Variants in COMMD10 observed in about 807,000 individuals in gnomAD.
COMMD10 encodes COMM domain containing 10, also known as COMM domain-containing protein 10.
Under a neutral mutation model 28.9 loss-of-function variants are expected in COMMD10, and 33 were observed. The ratio of observed to expected loss-of-function variants is 1.14; its 90% CI spans 0.87 to 1.53. COMMD10 has a LOEUF of 1.53. COMMD10 is among the 40% of genes most tolerant of loss of function. COMMD10 has a pLI of 0.00. For missense variants in COMMD10, 310 were observed against 233.4 expected (o/e 1.33, Z -2.14); for synonymous variants, 110 against 81.7 (o/e 1.35, Z -1.87).
intron 5 of COMMD10, among the ~76,000 whole-genome samples, chr5:116,282,543 C>G (rs1295311972): frequency 6.6e-6 from 1 of 151,802 alleles, no homozygotes; most frequent in African/African-American, 2.4e-5. Context: ...GGTGTTTGGT[C>G]TTAAATTAGC....
chr5:116,268,672 C>T (rs1442226908), intron 5 of COMMD10, among the ~76,000 whole-genome samples: 1 of 151,896 alleles, frequency 6.6e-6, no homozygotes, highest in East Asian at 1.9e-4. Context: ...GCACTATTCA[C>T]AATAGCAAAG....
chr5:116,148,888 A>G (rs1002393616), intron 5 of COMMD10, among the ~76,000 whole-genome samples: 4 of 151,894 alleles, frequency 2.6e-5, no homozygotes, highest in African/African-American at 4.8e-5. Flanking sequence ...TTTAGGGTAC[A>G]TGTGCACAAT....
chr5:116,220,299 A>G (rs1279570479), intron 5 of COMMD10, among the ~76,000 whole-genome samples: 4 of 152,194 alleles, frequency 2.6e-5, no homozygotes, highest in Non-Finnish European at 1.5e-5. Flanking sequence ...TTCAGGAGTG[A>G]AGACTACGTG....
At chr5:116,095,902 G>A (rs1750452511) in intron 4 of COMMD10, among the ~76,000 whole-genome samples, 1 of 151,978 alleles carries the variant, frequency 6.6e-6, no homozygotes, top group Non-Finnish European at 1.5e-5. Flanking sequence ...ATTACCATGT[G>A]TTTGTCTAAA....
At chr5:116,086,044 A>G (rs893251534) in intron 1 of COMMD10, among the ~76,000 whole-genome samples, 2 of 152,220 alleles carry the variant, frequency 1.3e-5, no homozygotes, top group Non-Finnish European at 2.9e-5. Context: ...CTGCTTGAGC[A>G]TAGGGGCTGA....
chr5:116,170,640 A>G (rs1291394054), intron 5 of COMMD10, among the ~76,000 whole-genome samples: 1 of 152,210 alleles, frequency 6.6e-6, no homozygotes. Context: ...AAACAGATAT[A>G]TATACCAGTG....
chr5:116,149,835 T>G (rs1244852695), intron 5 of COMMD10, among the ~76,000 whole-genome samples: 1 of 148,540 alleles, frequency 6.7e-6, no homozygotes, highest in Non-Finnish European at 1.5e-5. Flanking sequence ...TAGTTTCTTT[T>G]GCTGTGCAGA....
At chr5:116,128,943 C>T (rs1181800244) in intron 4 of COMMD10, among the ~76,000 whole-genome samples, 1 of 151,754 alleles carries the variant, frequency 6.6e-6, no homozygotes, top group Non-Finnish European at 1.5e-5. Flanking sequence ...GTTCATTAGC[C>T]ACTTTTTGAT....
intron 4 of COMMD10, among the ~76,000 whole-genome samples, chr5:116,110,620 T>C (rs1404566220): frequency 2.0e-5 from 3 of 152,188 alleles, no homozygotes; most frequent in African/African-American, 4.8e-5. Context: ...CTTACATTGC[T>C]ACACAGAAAT....
In COMMD10 at chr5:116,108,429, GGC is replaced by G. The variant is rs1406463620; in HGVS notation, c.399+15730_399+15731del. Among the ~76,000 whole-genome samples, 746 of 152,060 alleles carry G rather than the reference GGC, an allele frequency of 4.9e-3. 11 individuals are homozygous for G. The highest frequency in any genetic ancestry group is 0.017 in the African/African-American group (704 of 41,492). ...CTGCAGTGGCTTTTTGAGCTGCAGTGGCTTTTTGAGCTGCAGTGGGCTCTGCC... is the reference window on the plus strand; with the variant it reads ...CTGCAGTGGCTTTTTGAGCTGCAGTGTTTTTGAGCTGCAGTGGGCTCTGCC... On this transcript the variant is annotated intron_variant, in intron 4 of 6. Coordinates refer to ENST00000274458, the MANE Select transcript of COMMD10 (RefSeq NM_016144.4).
intron 5 of COMMD10, among the ~76,000 whole-genome samples, chr5:116,134,772 C>A (rs924308158): frequency 6.6e-6 from 1 of 152,094 alleles, no homozygotes; most frequent in African/African-American, 2.4e-5. Context: ...CAGGCGCCTG[C>A]CACCTTGTCC....
Position 116,087,679 on chromosome 5 carries a change from T to C in COMMD10, c.132+92T>C, listed in dbSNP as rs1461909776. On this transcript the variant is annotated intron_variant, in intron 2 of 6. Transcript: ENST00000274458. ...GGAGAACTTTTTGCAAAGCATAGTGTTCTCCAATATGTTCTTAGAGACACT... is the reference window on the plus strand; with the variant it reads ...GGAGAACTTTTTGCAAAGCATAGTGCTCTCCAATATGTTCTTAGAGACACT... 42 of 819,656 alleles carry C rather than the reference T, an allele frequency of 5.1e-5. 1 individual carries two copies. In the East Asian group the frequency reaches 5.6e-4, roughly 11 times the overall value. The allele number at this position is 819,656 out of a possible 1,614,324, so 50.8% of individuals were successfully genotyped here.
At chr5:116,254,636 A>C (rs902810907) in intron 5 of COMMD10, among the ~76,000 whole-genome samples, 13 of 151,628 alleles carry the variant, frequency 8.6e-5, no homozygotes, top group Non-Finnish European at 4.4e-5. Flanking sequence ...CCTGAGTTCT[A>C]GTTTGATTGC....
At chr5:116,129,397 A>G (rs1751777463) in intron 4 of COMMD10, among the ~76,000 whole-genome samples, 1 of 143,780 alleles carries the variant, frequency 7.0e-6, no homozygotes, top group African/African-American at 2.5e-5. Context: ...GTATATATAC[A>G]CTATATACTA....
chr5:116,180,467 T>C lies in COMMD10; in HGVS notation c.510+46289T>C, dbSNP rs1275700986. Among the ~76,000 whole-genome samples, 3 of 152,110 alleles carry C rather than the reference T, an allele frequency of 2.0e-5. 1 individual carries two copies. Among genetic ancestry groups the C allele is most frequent in the Admixed American group, 2.0e-4 (3 of 15,256 alleles). ...TTTTTCTAATTTGATTTTTTTCCTG[T>C]ATTAGTGTTGGGATAATGGATTTGT... On this transcript the variant is annotated intron_variant, in intron 5 of 6. Coordinates refer to ENST00000274458, the MANE Select transcript of COMMD10 (RefSeq NM_016144.4).
intron 5 of COMMD10, 57 bp downstream of exon 5, chr5:116,134,235 T>C: frequency 1.0e-6 from 1 of 971,252 alleles, no homozygotes; most frequent in South Asian, 1.3e-5. Context: ...CTTAAACTTT[T>C]TATTCTTAGC....
intron 5 of COMMD10, among the ~76,000 whole-genome samples, chr5:116,154,066 C>T (rs894938745): frequency 2.0e-5 from 3 of 151,938 alleles, no homozygotes; most frequent in Non-Finnish European, 4.4e-5. Flanking sequence ...CTTCATATGC[C>T]CTTGGAACAG....
chr5:116,253,940 G>T (rs1041733395), intron 5 of COMMD10, among the ~76,000 whole-genome samples: 1 of 151,900 alleles, frequency 6.6e-6, no homozygotes, highest in African/African-American at 2.4e-5. Context: ...ACTCTTCTTG[G>T]TTGGTAAGCT....
intron 4 of COMMD10, among the ~76,000 whole-genome samples, chr5:116,128,310 G>C (rs983085103): frequency 6.6e-6 from 1 of 151,960 alleles, no homozygotes; most frequent in Admixed American, 6.6e-5. Flanking sequence ...TAACTACTGT[G>C]TTAACAGTTT....
Sources: gnomAD v4.1 joint callset for allele counts (sites outside exome capture counted in the v4.1 genomes callset) on GRCh38, gnomAD v4.1.1 for gene constraint, MANE v1.5 for transcripts, NCBI Gene and HGNC (gene_info 2026-07-23, HGNC 2026-07-21) for gene names.